Variants in PEX12 observed in about 807,000 individuals in gnomAD.
PEX12 encodes peroxisome assembly protein 12.
PEX12 carries 31 observed loss-of-function variants against 32.5 expected under a neutral mutation model. That is an observed-to-expected ratio of 0.95 (90% CI 0.72 to 1.29). The LOEUF is 1.29. Among genes scored for constraint, PEX12 ranks in the 50% most tolerant of loss-of-function variants. The pLI, the probability that PEX12 is intolerant of heterozygous loss-of-function variation, is 0.00. For synonymous variants in PEX12, 148 were observed against 157.2 expected (o/e 0.94, Z 0.44); for missense variants, 359 against 419.0 (o/e 0.86, Z 1.25).
rs1366848752 is a variant in PEX12, at chr17:35,575,991, TATAGTC to T, written c.865_870del (p.Asp289_Tyr290del). Reference sequence around the variant, plus strand: ...TTGGGTAAGAGGGGAGAATCAGAGTTATAGTCTAGGTGTACAGGTGGTGGTGGAGTA... The same window carrying T: ...TTGGGTAAGAGGGGAGAATCAGAGTTTAGGTGTACAGGTGGTGGTGGAGTA... On this transcript the variant is annotated inframe_deletion, in exon 3 of 3. Coordinates refer to ENST00000225873, the MANE Select transcript of PEX12 (RefSeq NM_000286.3). The T allele has an allele frequency of 1.9e-6, 3 of 1,614,140 alleles. No individual in the cohort carries two copies. The highest frequency in any genetic ancestry group is 1.6e-4 in the Middle Eastern group (1 of 6,062).
chr17:35,577,903 A>G lies in PEX12; in HGVS notation c.119T>C (p.Val40Ala). The G allele has an allele frequency of 6.2e-7, 1 of 1,614,198 alleles. No individual in the cohort carries two copies. The highest frequency in any genetic ancestry group is 8.5e-7 in the Non-Finnish European group (1 of 1,180,032). ...MTAVRPALQH[V>A]VKVLAESNPT... Reference sequence around the variant, plus strand: ...CAAGAATTAATACCTTACCTTGACCACATGCTGAAGAGCGGGTCTCACTGC... The same window carrying G: ...CAAGAATTAATACCTTACCTTGACCGCATGCTGAAGAGCGGGTCTCACTGC... Residue 40 changes from valine to alanine, a missense_variant, in exon 1 of 3, where the codon GTG becomes GCG. Transcript: ENST00000225873.
chr17:35,575,797 G>A lies in PEX12; in HGVS notation c.1065C>T (p.Tyr355=), dbSNP rs1167046276. The A allele has an allele frequency of 2.5e-6, 4 of 1,614,148 alleles. No individual in the cohort carries two copies. Among genetic ancestry groups the A allele is most frequent in the South Asian group, 2.2e-5 (2 of 91,086 alleles). The change falls in exon 3 of 3, where the codon TAC becomes TAT. Residue 355 remains tyrosine (Y), a synonymous_variant. Coordinates refer to ENST00000225873, the MANE Select transcript of PEX12 (RefSeq NM_000286.3). The stretch of plus-strand genomic sequence containing the variant: ...TGATTCCCTTTCAGTTCTCAGGGGA[G>A]TAGAGTTTAATCAGATGTTGTACTT... ...PTEVQHLIKL[Y]SPEN is the part of the protein sequence containing the mutation.
rs761590834 is a variant in PEX12, at chr17:35,575,976, G to A, written c.886C>T (p.Leu296Phe). The A allele has an allele frequency of 6.2e-6, 10 of 1,614,040 alleles. No homozygotes were observed. The Admixed American group carries it at 1.5e-4, about 24-fold the overall frequency. The change falls in exon 3 of 3, where the codon CTC (leucine) becomes TTC (phenylalanine). Residue 296 changes from leucine to phenylalanine, a missense_variant. Leu to Phe is a conservative substitution (Grantham distance 22). Coordinates refer to ENST00000225873, the MANE Select transcript of PEX12 (RefSeq NM_000286.3). ...VHLDYNSDSP[L>F]LPKMKTVCPL... ...CACACAGTCTTCATTTTGGGTAAGA[G>A]GGGAGAATCAGAGTTATAGTCTAGG...
intron 2 of PEX12, 121 bp downstream of exon 2, chr17:35,576,917 A>G: frequency 1.2e-6 from 1 of 855,108 alleles, no homozygotes; most frequent in Non-Finnish European, 1.9e-6. Flanking sequence ...GGACACAAGG[A>G]ATAGCTTTTC....
chr17:35,576,804 G>A (rs2072788014), intron 2 of PEX12, among the ~76,000 whole-genome samples: 1 of 152,152 alleles, frequency 6.6e-6, no homozygotes, highest in Admixed American at 6.6e-5. Context: ...TTGAGATAAT[G>A]TACGTAAAGC....
chr17:35,574,946 C>G lies in PEX12; in HGVS notation c.*836G>C, dbSNP rs10068. 0.37 allele frequency: 56,186 copies of G among 152,472 alleles called. 10,385 individuals carry two copies. Among genetic ancestry groups the G allele is most frequent in the South Asian group, 0.45 (2,186 of 4,818 alleles). The allele number at this position is 152,472 out of a possible 1,614,324, so 9.4% of individuals were successfully genotyped here. On this transcript the variant is annotated 3_prime_UTR_variant, in exon 3 of 3. Coordinates refer to ENST00000225873, the MANE Select transcript of PEX12 (RefSeq NM_000286.3). ...GTAATAACCAGAATAATTCATGACA[C>G]TTTAGCAAACTCTTAGCAGCAAGCA...
In PEX12 at chr17:35,577,151, G is replaced by A. The variant is rs777653456; in HGVS notation, c.567C>T (p.His189=). 3.1e-6 allele frequency: 5 copies of A among 1,613,930 alleles called. No homozygotes were observed. Among genetic ancestry groups the A allele is most frequent in the Admixed American group, 1.7e-5 (1 of 59,996 alleles). The change falls in exon 2 of 3, where the codon CAC becomes CAT. Residue 189 remains histidine (H), a synonymous_variant. Coordinates refer to ENST00000225873, the MANE Select transcript of PEX12 (RefSeq NM_000286.3). The part of the protein sequence containing the change: ...LRYILGKAQH[H]SPLLRLAGVQ... Reference sequence around the variant, plus strand: ...CTCCAGCCAGCCTCAGCAGTGGTGAGTGATGCTGAGCTTTTCCTAGGATGT... The same window carrying A: ...CTCCAGCCAGCCTCAGCAGTGGTGAATGATGCTGAGCTTTTCCTAGGATGT...
chr17:35,577,778 G>T, intron 1 of PEX12, 118 bp downstream of exon 1: 1 of 1,420,826 alleles, frequency 7.0e-7, no homozygotes, highest in Non-Finnish European at 9.9e-7. Context: ...TTAAGTCATG[G>T]GATACAAGTT....
Position 35,577,967 on chromosome 17 carries a change from ATGGC to A in PEX12, c.51_54del (p.Gln17HisfsTer7), listed in dbSNP as rs886041458. 2 of 1,614,044 alleles carry A rather than the reference ATGGC, an allele frequency of 1.2e-6. No individual in the cohort carries two copies. The highest frequency in any genetic ancestry group is 2.7e-5 in the African/African-American group (2 of 74,920). On this transcript the variant is annotated frameshift_variant, in exon 1 of 3. Transcript: ENST00000225873. LOFTEE classifies it high-confidence loss of function. ...TCCTGTGCTACCACCTCAAAGATGG[ATGGC>A]TGGTCATCGGCCACAGAAGCAGCTG...
intron 1 of PEX12, 96 bp from the exon 2 acceptor site, chr17:35,577,687 G>C (rs2072795172): frequency 7.8e-6 from 11 of 1,405,762 alleles, no homozygotes; most frequent in Non-Finnish European, 1.1e-5. Context: ...TACACAATTT[G>C]TTTTAAATAA....
At position 35,577,441 on chromosome 17, in the gene PEX12, C is replaced by A; in HGVS notation, c.277G>T (p.Val93Leu). 1.2e-6 allele frequency: 2 copies of A among 1,614,134 alleles called. No homozygotes were observed. Among genetic ancestry groups the A allele is most frequent in the Non-Finnish European group, 1.7e-6 (2 of 1,180,032 alleles). Residue 93 changes from valine (V) to leucine (L), a missense_variant, in exon 2 of 3, where the codon GTA becomes TTA. Physicochemically the swap from Val to Leu is conservative, Grantham distance 32 (BLOSUM62 1). Coordinates refer to ENST00000225873, the MANE Select transcript of PEX12 (RefSeq NM_000286.3). ...SENFYGLKRI[V>L]MGDTHKSQRL... ...TGAGACTTGTGAGTGTCCCCCATTA[C>A]AATTCTCTTTAAGCCGTAAAAGTTT...
In PEX12 at chr17:35,577,045, C is replaced by A; in HGVS notation, c.673G>T (p.Ala225Ser). 6.2e-7 allele frequency: 1 copy of A among 1,613,894 alleles called. No homozygotes were observed. The highest frequency in any genetic ancestry group is 1.3e-5 in the African/African-American group (1 of 75,030). The change falls in exon 2 of 3, where the codon GCC (alanine) becomes TCC (serine). Residue 225 changes from alanine (A) to serine (S), a missense_variant. Transcript: ENST00000225873. ...PAKASMMQQP[A>S]RSVSEKINSA... ...GAAATGTTAAGGCCTTACCTCCTGG[C>A]TGGTTGCTGCATCATGCTGGCCTTA...
chr17:35,574,797 G>C lies in PEX12; in HGVS notation c.*985C>G, dbSNP rs2072774866. On this transcript the variant is annotated 3_prime_UTR_variant, in exon 3 of 3. Coordinates refer to ENST00000225873, the MANE Select transcript of PEX12 (RefSeq NM_000286.3). ...AAAACACCTCAAAAAGTCAAAGGTA[G>C]TCTGAATGAAAAATTTATTTTAAAC... 1 of 152,576 alleles carries C rather than the reference G, an allele frequency of 6.6e-6. No homozygotes were observed. Among genetic ancestry groups the C allele is most frequent in the South Asian group, 2.1e-4 (1 of 4,832 alleles). 9.5% of individuals were successfully genotyped at this position (152,576 alleles called of 1,614,324 possible). A position where few individuals can be genotyped will look rare whatever the true frequency, so the allele number is the denominator to read the frequency against.
At position 35,578,239 on chromosome 17, in the gene PEX12, T is replaced by C. The variant is rs2072799575; in HGVS notation, c.-218A>G. 1.8e-6 allele frequency: 1 copy of C among 544,646 alleles called. No homozygotes were observed. Among genetic ancestry groups the C allele is most frequent in the African/African-American group, 1.9e-5 (1 of 52,704 alleles). The allele number at this position is 544,646 out of a possible 1,614,324, so 33.7% of individuals were successfully genotyped here. On this transcript the variant is annotated 5_prime_UTR_variant, in exon 1 of 3. Coordinates refer to ENST00000225873, the MANE Select transcript of PEX12 (RefSeq NM_000286.3). ...CAAGAAGGTTAAGAACAAAGTTAAC[T>C]CGGACGTGGGTGGAAGTAGTATGTG...
At position 35,575,346 on chromosome 17, in the gene PEX12, C is replaced by T. The variant is rs2072778472; in HGVS notation, c.*436G>A. 1 of 179,736 alleles carries T rather than the reference C, an allele frequency of 5.6e-6. No homozygotes were observed. The highest frequency in any genetic ancestry group is 5.4e-5 in the Admixed American group (1 of 18,398). The allele number at this position is 179,736 out of a possible 1,614,324, so 11.1% of individuals were successfully genotyped here. ...GTTTGCAAACTGATGAAATTTCCAC[C>T]TTACAGACAGGCAGGTAAATGCTTT... is the stretch of plus-strand genomic sequence containing the variant. On this transcript the variant is annotated 3_prime_UTR_variant, in exon 3 of 3. Coordinates refer to ENST00000225873, the MANE Select transcript of PEX12 (RefSeq NM_000286.3).
Position 35,575,247 on chromosome 17 carries a change from A to T in PEX12, c.*535T>A, listed in dbSNP as rs1369497512. 6.2e-6 allele frequency: 1 copy of T among 161,500 alleles called. No individual in the cohort carries two copies. Among genetic ancestry groups the T allele is most frequent in the African/African-American group, 2.4e-5 (1 of 41,532 alleles). 10.0% of individuals were successfully genotyped at this position (161,500 alleles called of 1,614,324 possible). ...TGTCACTTAACAAATGTCTCACAGT[A>T]TATGGAAGGAGCTTTTTTCCCCCCC... On this transcript the variant is annotated 3_prime_UTR_variant, in exon 3 of 3. Coordinates refer to ENST00000225873, the MANE Select transcript of PEX12 (RefSeq NM_000286.3).
intron 1 of PEX12, 34 bp from the exon 2 acceptor site, chr17:35,577,625 T>C (rs774416658): frequency 2.5e-6 from 4 of 1,585,922 alleles, no homozygotes; most frequent in Non-Finnish European, 3.4e-6. Flanking sequence ...TGAAATTCAT[T>C]CCATTACACA....
In PEX12 at chr17:35,577,120, G is replaced by C. The variant is rs750539552; in HGVS notation, c.598C>G (p.Leu200Val). Residue 200 changes from leucine to valine, a missense_variant, in exon 2 of 3, where the codon CTA becomes GTA. Transcript: ENST00000225873. The stretch of plus-strand genomic sequence containing the variant: ...ATATCCTGAACTGTCAGTCGACCTA[G>C]CTGAACTCCAGCCAGCCTCAGCAGT... The part of the protein sequence containing the change: ...SPLLRLAGVQ[L>V]GRLTVQDIQA... 1.9e-6 allele frequency: 3 copies of C among 1,614,144 alleles called. No homozygotes were observed. The highest frequency in any genetic ancestry group is 3.3e-5 in the Admixed American group (2 of 60,022).
In PEX12 at chr17:35,577,551, C is replaced by A; in HGVS notation, c.167G>T (p.Trp56Leu). 6.2e-7 allele frequency: 1 copy of A among 1,613,474 alleles called. No individual in the cohort carries two copies. The highest frequency in any genetic ancestry group is 8.5e-7 in the Non-Finnish European group (1 of 1,180,022). ...AGTAAAGATTTCATCAAACCACCTCCACAAGAAGCCATAGTGGGTGGGATT... is the reference window on the plus strand; with the variant it reads ...AGTAAAGATTTCATCAAACCACCTCAACAAGAAGCCATAGTGGGTGGGATT... Reference protein sequence around the residue: ...ESNPTHYGFLWRWFDEIFTLL... With the variant: ...ESNPTHYGFLLRWFDEIFTLL... Residue 56 changes from tryptophan (W) to leucine (L), a missense_variant, in exon 2 of 3, where the codon TGG becomes TTG. Transcript: ENST00000225873.
Sources: gnomAD v4.1 joint callset for allele counts (sites outside exome capture counted in the v4.1 genomes callset) on GRCh38, gnomAD v4.1.1 for gene constraint, MANE v1.5 for transcripts, NCBI Gene and HGNC (gene_info 2026-07-23, HGNC 2026-07-21) for gene names.